IPO11: variants seen among roughly 807,000 people sequenced by gnomAD.
The protein encoded by IPO11 is importin-11.
In IPO11, 66 loss-of-function variants were observed where a neutral mutation model predicts 143.2. The observed-to-expected ratio is 0.46, with a 90% CI of 0.38 to 0.57. The LOEUF (loss-of-function observed/expected upper bound fraction) is 0.57, where lower values mean the gene tolerates loss of function less well. Ranked by LOEUF, IPO11 falls within the 20% of genes least tolerant of loss-of-function variation. The probability of loss-of-function intolerance (pLI) is 0.00; values close to 1 mark genes in which losing one functional copy is unlikely to be tolerated. For missense variants in IPO11, 1,026 were observed against 1,141.0 expected, an observed-to-expected ratio of 0.90 and a Z score of 1.45; for synonymous variants, 385 against 377.8, an observed-to-expected ratio of 1.02 and a Z score of -0.22.
At chr5:62,446,189 A>G (rs1298989720) in intron 3 of IPO11, among the ~76,000 whole-genome samples, 1 of 152,216 alleles carries the variant, frequency 6.6e-6, no homozygotes, top group East Asian at 1.9e-4. Flanking sequence ...TGTATAACAG[A>G]CTTTAAAACA....
At chr5:62,576,385 T>A (rs902511868) in intron 27 of IPO11, 5 of 152,372 alleles carry the variant, frequency 3.3e-5, no homozygotes, top group African/African-American at 1.2e-4. Context: ...TCTCTTGATT[T>A]TAGTTCCATC....
intron 9 of IPO11, among the ~76,000 whole-genome samples, chr5:62,479,102 G>T (rs147951274): frequency 1.3e-5 from 2 of 152,084 alleles, no homozygotes; most frequent in East Asian, 1.9e-4. Context: ...CCACCCCACG[G>T]CAGGCCCCGG....
intron 29 of IPO11, among the ~76,000 whole-genome samples, chr5:62,613,731 A>G (rs1746017663): frequency 1.3e-5 from 2 of 152,170 alleles, no homozygotes; most frequent in South Asian, 2.1e-4. Flanking sequence ...ATTATAAGAT[A>G]GAGCTTCCAC....
At chr5:62,583,549 C>T (rs1744646790) in intron 27 of IPO11, among the ~76,000 whole-genome samples, 1 of 152,068 alleles carries the variant, frequency 6.6e-6, no homozygotes, top group African/African-American at 2.4e-5. Context: ...TAGTTCTATA[C>T]AGTGGTATTC....
chr5:62,498,501 T>C (rs1222775001), intron 16 of IPO11, among the ~76,000 whole-genome samples: 1 of 152,232 alleles, frequency 6.6e-6, no homozygotes, highest in Non-Finnish European at 1.5e-5. Flanking sequence ...GATGATTCTT[T>C]AACCAGAATC....
At chr5:62,626,277 C>G (rs1746573611) in intron 29 of IPO11, among the ~76,000 whole-genome samples, 1 of 152,214 alleles carries the variant, frequency 6.6e-6, no homozygotes, top group South Asian at 2.1e-4. Flanking sequence ...ATCTGCCTGC[C>G]TCAGCCTCCT....
chr5:62,622,467 C>G (rs977626289), intron 29 of IPO11, among the ~76,000 whole-genome samples: 2 of 152,104 alleles, frequency 1.3e-5, no homozygotes, highest in African/African-American at 2.4e-5. Context: ...CTAGCAGAAG[C>G]CTTGCTTGTG....
chr5:62,437,248 C>T (rs1396337157), intron 1 of IPO11, 26 bp from the exon 2 acceptor site: 2 of 1,554,022 alleles, frequency 1.3e-6, no homozygotes, highest in Non-Finnish European at 1.7e-6. Context: ...AATACATATT[C>T]AAGTATGTTA....
At chr5:62,540,402 A>G (rs1011073929) in intron 24 of IPO11, among the ~76,000 whole-genome samples, 1 of 152,236 alleles carries the variant, frequency 6.6e-6, no homozygotes, top group Non-Finnish European at 1.5e-5. Flanking sequence ...GTGATTTCTC[A>G]CATTTAAACA....
chr5:62,524,502 C>G (rs1356557834), intron 20 of IPO11, among the ~76,000 whole-genome samples: 1 of 151,880 alleles, frequency 6.6e-6, no homozygotes, highest in Non-Finnish European at 1.5e-5. Context: ...AATATTCTTT[C>G]TTTTTTGTTT....
In IPO11 at chr5:62,443,088, G is replaced by A. The variant is rs1023130617; in HGVS notation, c.239+5G>A. 1.9e-6 allele frequency: 3 copies of A among 1,562,242 alleles called. No individual in the cohort carries two copies. The highest frequency in any genetic ancestry group is 2.6e-6 in the Non-Finnish European group (3 of 1,137,452). ...CTGGAGACGTGTAGCACCTCAGTAA[G>A]TTCCATCACTTCCCCTATTCCTTGA... On this transcript the variant is annotated splice_donor_5th_base_variant and intron_variant, in intron 3 of 29. Transcript: ENST00000325324.
intron 1 of IPO11, among the ~76,000 whole-genome samples, chr5:62,429,237 C>T (rs1416027758): frequency 6.6e-6 from 1 of 152,108 alleles, no homozygotes; most frequent in East Asian, 1.9e-4. Context: ...GCCTGTTCTT[C>T]ATATTTCATA....
chr5:62,569,532 A>G (rs1407155029), intron 27 of IPO11, among the ~76,000 whole-genome samples: 2 of 152,206 alleles, frequency 1.3e-5, no homozygotes, highest in African/African-American at 2.4e-5. Flanking sequence ...TACTCAAAAT[A>G]CAGCCTGAGC....
chr5:62,497,874 A>G (rs1044776228), intron 16 of IPO11, among the ~76,000 whole-genome samples: 6 of 152,228 alleles, frequency 3.9e-5, no homozygotes, highest in Admixed American at 3.9e-4. Context: ...AAGGATGGCA[A>G]TACTACAGTG....
intron 19 of IPO11, among the ~76,000 whole-genome samples, chr5:62,510,517 C>T (rs1393061340): frequency 6.6e-6 from 1 of 152,074 alleles, no homozygotes; most frequent in East Asian, 1.9e-4. Flanking sequence ...GCTCCATTTC[C>T]TACATTATCA....
At chr5:62,459,700 G>A (rs1745289836) in intron 5 of IPO11, among the ~76,000 whole-genome samples, 1 of 152,050 alleles carries the variant, frequency 6.6e-6, no homozygotes, top group South Asian at 2.1e-4. Context: ...ACAGGCGTGT[G>A]CCACCATGCC....
intron 1 of IPO11, among the ~76,000 whole-genome samples, chr5:62,425,597 C>T (rs572473580): frequency 1.3e-5 from 2 of 152,142 alleles, no homozygotes; most frequent in African/African-American, 4.8e-5. Context: ...GGATTATAGG[C>T]GTGAGCCACC....
intron 27 of IPO11, among the ~76,000 whole-genome samples, chr5:62,582,300 CAGAGGTACT>C (rs1217106904): frequency 6.6e-6 from 1 of 152,102 alleles, no homozygotes; most frequent in Non-Finnish European, 1.5e-5. Context: ...TGGATGGATC[CAGAGGTACT>C]TTGAAAGTAA....
chr5:62,519,100 T>G (rs1037737321), intron 20 of IPO11, among the ~76,000 whole-genome samples: 4 of 151,836 alleles, frequency 2.6e-5, no homozygotes, highest in Non-Finnish European at 5.9e-5. Flanking sequence ...AATTTTGGTG[T>G]TGTTAAATAG....
Sources: gnomAD v4.1 joint callset for allele counts (sites outside exome capture counted in the v4.1 genomes callset) on GRCh38, gnomAD v4.1.1 for gene constraint, MANE v1.5 for transcripts, NCBI Gene and HGNC (gene_info 2026-07-23, HGNC 2026-07-21) for gene names.